SPATA6L: variants seen among roughly 807,000 people sequenced by gnomAD.
SPATA6L encodes spermatogenesis associated 6 like.
Under a neutral mutation model 49.2 loss-of-function variants are expected in SPATA6L, and 68 were observed. The observed-to-expected ratio is 1.38, with a 90% CI of 1.14 to 1.69. The LOEUF is 1.69. Among genes scored for constraint, SPATA6L ranks in the 40% most tolerant of loss-of-function variants. The pLI is 0.00. For synonymous variants in SPATA6L, 198 were observed against 165.7 expected, an observed-to-expected ratio of 1.19 and a Z score of -1.50; for missense variants, 668 against 464.3, an observed-to-expected ratio of 1.44 and a Z score of -4.03.
At chr9:4,594,262 T>C (rs370649383), downstream of SPATA6L, among the ~76,000 whole-genome samples, 2 of 152,182 alleles carry the variant, frequency 1.3e-5, no homozygotes, top group African/African-American at 4.8e-5. Context: ...CAGGCTGGAG[T>C]GCAGTGGCGC....
At chr9:4,604,154 G>T in intron 11 of SPATA6L, 25 bp downstream of exon 11, 2 of 1,486,708 alleles carry the variant, frequency 1.3e-6, no homozygotes, top group African/African-American at 1.4e-5. Context: ...AAGCACTTAA[G>T]CTGCTTACTT....
In SPATA6L at chr9:4,661,956, G is replaced by T. The variant is rs749660842; in HGVS notation, c.120C>A (p.Thr40=). The T allele has an allele frequency of 6.2e-7, 1 of 1,613,974 alleles. No individual in the cohort carries two copies. Among genetic ancestry groups the T allele is most frequent in the Admixed American group, 1.7e-5 (1 of 60,016 alleles). The change falls in exon 2 of 12, where the codon ACC becomes ACA. Residue 40 remains threonine (T), a synonymous_variant. Transcript: ENST00000682582. The part of the protein sequence containing the change: ...GVYLMNQYLE[T]NSFPSAFPIM... ...TGGGGAACGCAGAGGGAAAGCTGTTGGTCTCCAGGTACTGATTCATGAGGT... is the reference window on the plus strand; with the variant it reads ...TGGGGAACGCAGAGGGAAAGCTGTTTGTCTCCAGGTACTGATTCATGAGGT...
chr9:4,633,955 G>A (rs538789130), intron 4 of SPATA6L, among the ~76,000 whole-genome samples: 1 of 152,078 alleles, frequency 6.6e-6, no homozygotes, highest in African/African-American at 2.4e-5. Context: ...GCATGCAGGT[G>A]TTTCCACACA....
intron 3 of SPATA6L, among the ~76,000 whole-genome samples, chr9:4,646,041 T>C (rs1835303992): frequency 6.6e-6 from 1 of 152,098 alleles, no homozygotes; most frequent in East Asian, 1.9e-4. Flanking sequence ...CATACAACAA[T>C]GGCCTACAGG....
chr9:4,643,166 C>T lies in SPATA6L; in HGVS notation c.227-7767G>A, dbSNP rs539063610. ...CGGATTACAGGCACCTGACATCATT[C>T]CCAGCTAATTTTTGTATTTTTAGTA... On this transcript the variant is annotated intron_variant, in intron 3 of 11. Transcript: ENST00000682582. Among the ~76,000 whole-genome samples the T allele has an allele frequency of 7.9e-5, 12 of 152,276 alleles. No individual in the cohort carries two copies. In the East Asian group the frequency reaches 2.3e-3, roughly 29 times the overall value.
At chr9:4,596,174 C>T (rs191011378), downstream of SPATA6L, among the ~76,000 whole-genome samples, 14 of 152,158 alleles carry the variant, frequency 9.2e-5, no homozygotes, top group African/African-American at 2.2e-4. Flanking sequence ...TTCAAGAGGG[C>T]ACGGGTTGAA....
chr9:4,629,160 A>T lies in SPATA6L; in HGVS notation c.360T>A (p.Ala120=). ...TCCTTGTAGAAAACTCTATTTTGGG[A>T]GCAATGCCCTATAAAACAGCATAAA... The part of the protein sequence containing the change: ...MKTALGFPGI[A]PKIEFSTRTA... The change falls in exon 5 of 12, where the codon GCT becomes GCA. Residue 120 remains alanine (A), a synonymous_variant. Transcript: ENST00000682582. The T allele has an allele frequency of 6.3e-7, 1 of 1,597,318 alleles. No homozygotes were observed. The highest frequency in any genetic ancestry group is 8.5e-7 in the Non-Finnish European group (1 of 1,177,258).
intron 2 of SPATA6L, among the ~76,000 whole-genome samples, chr9:4,657,376 A>G (rs1838531185): frequency 6.6e-6 from 1 of 152,158 alleles, no homozygotes; most frequent in South Asian, 2.1e-4. Context: ...TCATGGAATG[A>G]AGTCTTAAAC....
chr9:4,626,621 C>G (rs1830403499), intron 5 of SPATA6L: 1 of 1,207,542 alleles, frequency 8.3e-7, no homozygotes, highest in Non-Finnish European at 1.1e-6. Flanking sequence ...ATCTTTCAGT[C>G]TTTCTTTCAA....
chr9:4,615,928 T>C (rs977191862), intron 9 of SPATA6L, among the ~76,000 whole-genome samples: 1 of 152,180 alleles, frequency 6.6e-6, no homozygotes, highest in Non-Finnish European at 1.5e-5. Flanking sequence ...ACTTTGTGGC[T>C]GTATGCAGAT....
At chr9:4,640,971 C>A (rs1833906551) in intron 3 of SPATA6L, among the ~76,000 whole-genome samples, 1 of 152,162 alleles carries the variant, frequency 6.6e-6, no homozygotes, top group Non-Finnish European at 1.5e-5. Flanking sequence ...CACAGATGGG[C>A]TTCTTGTCAC....
At chr9:4,616,384 G>T (rs760074853) in intron 9 of SPATA6L, among the ~76,000 whole-genome samples, 17 of 152,204 alleles carry the variant, frequency 1.1e-4, no homozygotes, top group Non-Finnish European at 2.1e-4. Context: ...CCTGACCACT[G>T]TTAATTGAAA....
At chr9:4,664,588 G>C (rs1362514837) in intron 1 of SPATA6L, 1 of 167,064 alleles carries the variant, frequency 6.0e-6, no homozygotes, top group Non-Finnish European at 1.5e-5. Context: ...AGAAAGACTG[G>C]AGAAGGTATG....
chr9:4,664,524 T>C (rs1840566317), intron 1 of SPATA6L: 1 of 167,088 alleles, frequency 6.0e-6, no homozygotes, highest in Non-Finnish European at 1.5e-5. Flanking sequence ...CCCCAAATCA[T>C]AAGACCAAAG....
chr9:4,663,683 C>G (rs1840393696), intron 1 of SPATA6L: 1 of 189,458 alleles, frequency 5.3e-6, no homozygotes, highest in African/African-American at 2.4e-5. Flanking sequence ...TACATGCAGA[C>G]AGGTCATGTA....
intron 10 of SPATA6L, among the ~76,000 whole-genome samples, chr9:4,604,630 G>A (rs1051957616): frequency 2.0e-5 from 3 of 152,164 alleles, no homozygotes; most frequent in African/African-American, 7.2e-5. Flanking sequence ...AAGAATTAAA[G>A]TAATTCACTA....
intron 6 of SPATA6L, among the ~76,000 whole-genome samples, chr9:4,623,389 T>C (rs1461655741): frequency 6.6e-6 from 1 of 152,168 alleles, no homozygotes. Flanking sequence ...TAACATGATC[T>C]GCAAACAGGT....
In SPATA6L at chr9:4,618,870, G is replaced by T; in HGVS notation, c.801C>A (p.Asn267Lys). Residue 267 changes from asparagine to lysine, a missense_variant, in exon 8 of 12, where the codon AAC (asparagine) becomes AAA (lysine). Asn to Lys is a moderately conservative substitution (Grantham distance 94). Transcript: ENST00000682582. ...RASSLDSLAA[N>K]VKVIKEPDER... ...ATTCTACTTCTAAAATTACCTTTAC[G>T]TTAGCTGCAAGGCTGTCAAGAGAAG... The T allele has an allele frequency of 1.2e-6, 2 of 1,612,466 alleles. No individual in the cohort carries two copies. Among genetic ancestry groups the T allele is most frequent in the Non-Finnish European group, 1.7e-6 (2 of 1,178,992 alleles).
chr9:4,638,391 T>G (rs1481328538), intron 3 of SPATA6L, among the ~76,000 whole-genome samples: 7 of 152,242 alleles, frequency 4.6e-5, no homozygotes, highest in African/African-American at 1.7e-4. Context: ...TTTTGTACTT[T>G]TAGTAGACAC....
Sources: gnomAD v4.1 joint callset for allele counts (sites outside exome capture counted in the v4.1 genomes callset) on GRCh38, gnomAD v4.1.1 for gene constraint, MANE v1.5 for transcripts, NCBI Gene and HGNC (gene_info 2026-07-23, HGNC 2026-07-21) for gene names.